Variants in DPYSL5 observed in about 807,000 individuals in gnomAD.
DPYSL5 encodes dihydropyrimidinase-related protein 5.
Under a neutral mutation model 58.4 loss-of-function variants are expected in DPYSL5, and 9 were observed. The ratio of observed to expected loss-of-function variants is 0.15; its 90% CI spans 0.09 to 0.27. DPYSL5 has a LOEUF of 0.27. Ranked by LOEUF, DPYSL5 falls within the 10% of genes least tolerant of loss-of-function variation. The pLI is 1.00. For synonymous variants in DPYSL5, 293 were observed against 301.9 expected (o/e 0.97, Z 0.31); for missense variants, 499 against 770.6 (o/e 0.65, Z 4.17).
intron 2 of DPYSL5, among the ~76,000 whole-genome samples, chr2:26,913,036 G>T (rs1339663597): frequency 6.6e-6 from 1 of 152,206 alleles, no homozygotes; most frequent in Non-Finnish European, 1.5e-5. Flanking sequence ...TAAAATGAGA[G>T]GAGTAACCCC....
chr2:26,898,819 G>A lies in DPYSL5; in HGVS notation c.261+59G>A. ...TTTGGCTTTTTTATTCTGCTTCTAG[G>A]GCTGCTCCAGACTAGACTCATGTGA... On this transcript the variant is annotated intron_variant, in intron 2 of 12. Transcript: ENST00000288699. The surrounding 1 kb of genome is among the most constrained non-coding windows in gnomAD (Gnocchi z 6.1). 6.4e-7 allele frequency: 1 copy of A among 1,552,620 alleles called. No individual in the cohort carries two copies. The highest frequency in any genetic ancestry group is 2.3e-5 in the East Asian group (1 of 44,376).
intron 1 of DPYSL5, among the ~76,000 whole-genome samples, chr2:26,891,332 C>T (rs1663874906): frequency 1.3e-5 from 2 of 152,044 alleles, no homozygotes; most frequent in East Asian, 3.9e-4. Context: ...GATGGTAGTC[C>T]TAGGAGAGCA....
rs943473352 is a variant in DPYSL5 at position 26,925,606 on chromosome 2, C to A, written c.420+561C>A. ...GTGACTGAGGCTGGCACCCCCTGAG[C>A]CTTTCTCAGTTCAGCCTCTGTGCCT... On this transcript the variant is annotated intron_variant, in intron 3 of 12. Transcript: ENST00000288699. This position sits in a 1 kb window ranked among gnomAD's most constrained non-coding sequence, Gnocchi z 4.5. Among the ~76,000 whole-genome samples the A allele has an allele frequency of 4.6e-5, 7 of 152,178 alleles. No individual in the cohort carries two copies. The highest frequency in any genetic ancestry group is 8.8e-5 in the Non-Finnish European group (6 of 68,020).
At chr2:26,860,523 AC>A (rs1374150334) in intron 1 of DPYSL5, among the ~76,000 whole-genome samples, 1 of 152,224 alleles carries the variant, frequency 6.6e-6, no homozygotes, top group Non-Finnish European at 1.5e-5. Flanking sequence ...ACCCAGCAGT[AC>A]CACTGCTAGC....
chr2:26,867,165 G>T (rs1264495814), intron 1 of DPYSL5, among the ~76,000 whole-genome samples: 1 of 152,082 alleles, frequency 6.6e-6, no homozygotes. Flanking sequence ...ATAAATATAT[G>T]TACATAGGTA....
At position 26,852,266 on chromosome 2, in the gene DPYSL5, A is replaced by G. The variant is rs569153985; in HGVS notation, c.-5+4012A>G. 1.3e-4 allele frequency among the ~76,000 whole-genome samples: 20 copies of G among 152,384 alleles called. No homozygotes were observed. The East Asian group carries it at 3.5e-3, about 26-fold the overall frequency. ...ATAAATGTGTTTTATCATTTTTCCA[A>G]TAAGCAGGTGTTTGATTTCATTGCA... On this transcript the variant is annotated intron_variant, in intron 1 of 12. Transcript: ENST00000288699.
rs1664075714 is a variant in DPYSL5, at chr2:26,898,618, G to A, written c.119G>A (p.Arg40His). ...IENGIIQQVG[R>H]ELMIPGGAKV... ...AATGGCATCATCCAGCAGGTGGGCC[G>A]CGAGCTCATGATCCCTGGCGGGGCC... Residue 40 changes from arginine (R) to histidine (H), a missense_variant, in exon 2 of 13, where the codon CGC becomes CAC. Arg to His is a conservative substitution (Grantham distance 29). Coordinates refer to ENST00000288699, the MANE Select transcript of DPYSL5 (RefSeq NM_020134.4). This position sits in a 1 kb window ranked among gnomAD's most constrained non-coding sequence, Gnocchi z 6.1. 2.5e-6 allele frequency: 4 copies of A among 1,614,024 alleles called. No individual in the cohort carries two copies. Among genetic ancestry groups the A allele is most frequent in the Admixed American group, 1.7e-5 (1 of 59,996 alleles).
In DPYSL5 at chr2:26,881,623, G is replaced by A. The variant is rs565953574; in HGVS notation, c.-4-16873G>A. On this transcript the variant is annotated intron_variant, in intron 1 of 12. Coordinates refer to ENST00000288699, the MANE Select transcript of DPYSL5 (RefSeq NM_020134.4). ...ACAGGAGGAAGGCTGCTTTTGATTG[G>A]GCAGAAGCATTATTGGCTTAAAGTC... 5.9e-5 allele frequency among the ~76,000 whole-genome samples: 9 copies of A among 152,290 alleles called. No individual in the cohort carries two copies. The South Asian group carries it at 1.9e-3, about 32-fold the overall frequency.
intron 6 of DPYSL5, among the ~76,000 whole-genome samples, chr2:26,932,216 GAAA>G (rs754110226): frequency 1.4e-5 from 2 of 138,588 alleles, no homozygotes; most frequent in Admixed American, 7.4e-5. Flanking sequence ...AGAAAAGAAA[GAAA>G]GAAAGAAAGA....
chr2:26,936,621 T>A (rs1355333900), intron 8 of DPYSL5, among the ~76,000 whole-genome samples: 1 of 152,146 alleles, frequency 6.6e-6, no homozygotes, highest in African/African-American at 2.4e-5. Flanking sequence ...GGGTAAAGAT[T>A]AAGAGAGAAA....
rs117665863 is a variant in DPYSL5, at chr2:26,863,140, T to A, written c.-5+14886T>A. ...GGGGAGCCCAGTCCCTTCCCACATG[T>A]CACCAGAATGTCCCTTCACTTTTTC... On this transcript the variant is annotated intron_variant, in intron 1 of 12. Coordinates refer to ENST00000288699, the MANE Select transcript of DPYSL5 (RefSeq NM_020134.4). Among the ~76,000 whole-genome samples the A allele has an allele frequency of 1.0e-3, 157 of 152,274 alleles. 3 individuals carry two copies. In the East Asian group the frequency reaches 0.018, roughly 18 times the overall value.
intron 1 of DPYSL5, among the ~76,000 whole-genome samples, chr2:26,887,952 G>T (rs1008247022): frequency 6.6e-6 from 1 of 152,212 alleles, no homozygotes; most frequent in Non-Finnish European, 1.5e-5. Flanking sequence ...GATATCCAAA[G>T]ATAGCCACCA....
chr2:26,880,862 G>A (rs1663542999), intron 1 of DPYSL5, among the ~76,000 whole-genome samples: 1 of 152,212 alleles, frequency 6.6e-6, no homozygotes, highest in African/African-American at 2.4e-5. Context: ...CATTGAATGA[G>A]TCCCCTCTAT....
At chr2:26,937,742 TTTTGTTTGTTTG>T (rs59337750) in intron 8 of DPYSL5, among the ~76,000 whole-genome samples, 145 of 149,212 alleles carry the variant, frequency 9.7e-4, no homozygotes, top group African/African-American at 3.2e-3. Context: ...CTGGCTAGTT[TTTTGTTTGTTTG>T]TTTGTTTGTT....
intron 1 of DPYSL5, among the ~76,000 whole-genome samples, chr2:26,883,462 G>A (rs1297712898): frequency 6.6e-6 from 1 of 152,144 alleles, no homozygotes; most frequent in Non-Finnish European, 1.5e-5. Flanking sequence ...ACAGTGGTGC[G>A]ATCTTGGCTC....
intron 4 of DPYSL5, 134 bp from the exon 5 acceptor site, chr2:26,928,121 T>C (rs1409044925): frequency 7.6e-6 from 7 of 923,302 alleles, no homozygotes; most frequent in Non-Finnish European, 1.2e-5. Flanking sequence ...AGACGAACAC[T>C]GCAGAAGTGA....
chr2:26,903,586 C>T (rs1664215531), intron 2 of DPYSL5, among the ~76,000 whole-genome samples: 1 of 152,190 alleles, frequency 6.6e-6, no homozygotes, highest in South Asian at 2.1e-4. Flanking sequence ...TTGAGTGGCA[C>T]AGGCTGTACT....
chr2:26,891,676 ATAAC>A (rs1281206307), intron 1 of DPYSL5, among the ~76,000 whole-genome samples: 2 of 152,090 alleles, frequency 1.3e-5, no homozygotes, highest in Non-Finnish European at 2.9e-5. Flanking sequence ...AAATAAATAA[ATAAC>A]TTTTTTTTTT....
intron 2 of DPYSL5, among the ~76,000 whole-genome samples, chr2:26,901,139 G>A (rs1319791335): frequency 6.6e-6 from 1 of 152,036 alleles, no homozygotes; most frequent in Non-Finnish European, 1.5e-5. Flanking sequence ...ATTTCTACAG[G>A]TTCAGGCTGC....
Sources: allele counts gnomAD v4.1 joint callset (sites outside exome capture counted in the v4.1 genomes callset), GRCh38; gene constraint gnomAD v4.1.1; non-coding constraint Gnocchi (gnomAD v3.1); transcripts MANE v1.5; gene names NCBI Gene and HGNC (gene_info 2026-07-23, HGNC 2026-07-21).